Variants in PLXNA2 observed in about 807,000 individuals in gnomAD.
PLXNA2 encodes plexin A2, also known as plexin-A2.
In PLXNA2, 91 loss-of-function variants were observed where a neutral mutation model predicts 193.5. That is an observed-to-expected ratio of 0.47 (90% confidence interval 0.40 to 0.56). The LOEUF (loss-of-function observed/expected upper bound fraction) is 0.56, where lower values mean the gene tolerates loss of function less well. PLXNA2 is among the 20% of genes least tolerant of loss of function. The pLI, the probability that PLXNA2 is intolerant of heterozygous loss-of-function variation, is 0.00. For missense variants in PLXNA2, 1,995 were observed against 2,503.2 expected, an observed-to-expected ratio of 0.80 and a Z score of 4.33; for synonymous variants, 997 against 1,027.3, an observed-to-expected ratio of 0.97 and a Z score of 0.56.
chr1:208,150,575 G>A (rs1436574109), intron 3 of PLXNA2, among the ~76,000 whole-genome samples: 7 of 152,168 alleles, frequency 4.6e-5, no homozygotes, highest in Non-Finnish European at 1.0e-4. Flanking sequence ...TAAGGTCAGC[G>A]TTCAAGGGTT....
chr1:208,179,064 ACGCTG>A (rs1381432128), intron 3 of PLXNA2, among the ~76,000 whole-genome samples: 3 of 152,218 alleles, frequency 2.0e-5, no homozygotes, highest in African/African-American at 7.2e-5. Flanking sequence ...GCATGACAGC[ACGCTG>A]GGCCTGGGCT....
intron 15 of PLXNA2, 131 bp from the exon 16 acceptor site, chr1:208,051,554 A>G: frequency 6.0e-6 from 4 of 669,164 alleles, no homozygotes; most frequent in Non-Finnish European, 1.0e-5. Flanking sequence ...TTTATATTCT[A>G]CAACAATGGA....
At chr1:208,043,714 C>T (rs1169884061) in intron 20 of PLXNA2, among the ~76,000 whole-genome samples, 4 of 152,212 alleles carry the variant, frequency 2.6e-5, no homozygotes, top group Non-Finnish European at 4.4e-5. Flanking sequence ...CACCTGTCTT[C>T]CTGGCTCCTT....
At chr1:208,175,064 G>T (rs144147300) in intron 3 of PLXNA2, among the ~76,000 whole-genome samples, 1 of 152,178 alleles carries the variant, frequency 6.6e-6, no homozygotes, top group Admixed American at 6.5e-5. Flanking sequence ...GCTCGTGGGA[G>T]CTCCTGTACC....
At chr1:208,122,548 A>G (rs569507645) in intron 4 of PLXNA2, among the ~76,000 whole-genome samples, 45 of 152,336 alleles carry the variant, frequency 3.0e-4, no homozygotes, top group Non-Finnish European at 6.0e-4. Flanking sequence ...CTTTATTATT[A>G]TGGTGATTGT....
chr1:208,195,933 A>G (rs1361538137), intron 3 of PLXNA2, among the ~76,000 whole-genome samples: 1 of 151,724 alleles, frequency 6.6e-6, no homozygotes, highest in Non-Finnish European at 1.5e-5. Context: ...AGGGGCAGCC[A>G]TTAGACTACG....
intron 27 of PLXNA2, among the ~76,000 whole-genome samples, chr1:208,034,019 C>A (rs984701206): frequency 6.6e-6 from 1 of 152,162 alleles, no homozygotes; most frequent in Non-Finnish European, 1.5e-5. Flanking sequence ...ATACATGAAA[C>A]CAGAGCAAAT....
chr1:208,093,660 C>G (rs188999542), intron 8 of PLXNA2, among the ~76,000 whole-genome samples: 68 of 152,246 alleles, frequency 4.5e-4, no homozygotes, highest in Non-Finnish European at 7.3e-5. Flanking sequence ...CTTGGGGGAG[C>G]TAATAGTATT....
chr1:208,171,778 C>T (rs990977581), intron 3 of PLXNA2, among the ~76,000 whole-genome samples: 2 of 152,038 alleles, frequency 1.3e-5, no homozygotes, highest in Admixed American at 6.6e-5. Flanking sequence ...ATCGCTTGAG[C>T]CCACGAGATC....
chr1:208,034,247 T>C (rs1450968971), intron 27 of PLXNA2, among the ~76,000 whole-genome samples: 1 of 152,186 alleles, frequency 6.6e-6, no homozygotes. Context: ...TCTGGGCCAC[T>C]CCGACTCCTC....
At chr1:208,107,776 G>T (rs1384257950) in intron 4 of PLXNA2, among the ~76,000 whole-genome samples, 1 of 152,020 alleles carries the variant, frequency 6.6e-6, no homozygotes, top group Non-Finnish European at 1.5e-5. Context: ...TCTGAGTGCT[G>T]GGATCTGGGG....
intron 4 of PLXNA2, among the ~76,000 whole-genome samples, chr1:208,112,133 T>C (rs1420380964): frequency 2.0e-5 from 3 of 152,202 alleles, no homozygotes; most frequent in Admixed American, 1.3e-4. Flanking sequence ...TTGGTTGAAC[T>C]TTTCAATGAC....
chr1:208,203,614 A>G (rs1321469701), intron 3 of PLXNA2, among the ~76,000 whole-genome samples: 4 of 151,806 alleles, frequency 2.6e-5, no homozygotes, highest in African/African-American at 9.7e-5. Flanking sequence ...CGCCAAGGCA[A>G]CTCCACCCCA....
intron 26 of PLXNA2, among the ~76,000 whole-genome samples, chr1:208,036,677 T>C (rs1056098661): frequency 1.3e-4 from 20 of 152,196 alleles, no homozygotes; most frequent in African/African-American, 4.3e-4. Context: ...CTCCCTGCTG[T>C]CCCCTGTCAC....
At chr1:208,224,507 C>A (rs919259226) in intron 1 of PLXNA2, among the ~76,000 whole-genome samples, 7 of 150,132 alleles carry the variant, frequency 4.7e-5, no homozygotes, top group Admixed American at 2.0e-4. Context: ...ATTTTATGCA[C>A]GCGATTTAAA....
rs1185578188 is a variant in PLXNA2 at position 208,026,433 on chromosome 1, C to T, written c.*810G>A. The T allele has an allele frequency of 6.6e-6, 1 of 152,208 alleles. No homozygotes were observed. Among genetic ancestry groups the T allele is most frequent in the African/African-American group, 2.4e-5 (1 of 41,448 alleles). 9.4% of individuals were successfully genotyped at this position (152,208 alleles called of 1,614,324 possible). ...AAAAAGCATTGGTACTATCTAGGTA[C>T]ACATCTCCTCTCAAAAGATGAGAAT... On this transcript the variant is annotated 3_prime_UTR_variant, in exon 32 of 32. Transcript: ENST00000367033.
At chr1:208,062,404 A>G (rs1393885905) in intron 12 of PLXNA2, among the ~76,000 whole-genome samples, 1 of 152,220 alleles carries the variant, frequency 6.6e-6, no homozygotes, top group Non-Finnish European at 1.5e-5. Flanking sequence ...GATAGTGAGC[A>G]GAGAAAAGAT....
Position 208,044,872 on chromosome 1 carries a change from G to C in PLXNA2, c.3640-130C>G. On this transcript the variant is annotated intron_variant, in intron 19 of 31. Transcript: ENST00000367033. This position sits in a 1 kb window ranked among gnomAD's most constrained non-coding sequence, Gnocchi z 4.9. The stretch of plus-strand genomic sequence containing the variant: ...CACACAGTGCAGCTCTAGATAAAAA[G>C]CAATTTCCTGCCTCGGCATCTGCCT... 1.0e-6 allele frequency: 1 copy of C among 969,216 alleles called. No individual in the cohort carries two copies. The allele number at this position is 969,216 out of a possible 1,614,324, so 60.0% of individuals were successfully genotyped here.
At chr1:208,198,489 C>A (rs1174333840) in intron 3 of PLXNA2, among the ~76,000 whole-genome samples, 1 of 152,208 alleles carries the variant, frequency 6.6e-6, no homozygotes, top group East Asian at 1.9e-4. Context: ...AACAATGATG[C>A]CTGGAGAAAG....
Sources: gnomAD v4.1 joint callset for allele counts (sites outside exome capture counted in the v4.1 genomes callset) on GRCh38, gnomAD v4.1.1 for gene constraint, Gnocchi (gnomAD v3.1) non-coding constraint, MANE v1.5 for transcripts, NCBI Gene and HGNC (gene_info 2026-07-23, HGNC 2026-07-21) for gene names.